The following HIVEP3 variants were observed in gnomAD, a reference collection of about 807,000 sequenced individuals.
HIVEP3 encodes the protein HIVEP zinc finger 3.
In HIVEP3, 49 loss-of-function variants were observed where a neutral mutation model predicts 152.8. That is an observed-to-expected ratio of 0.32 (90% CI 0.26 to 0.41). HIVEP3 has a LOEUF of 0.41. HIVEP3 is among the 10% of genes least tolerant of loss of function. The pLI, the probability that HIVEP3 is intolerant of heterozygous loss-of-function variation, is 1.00. For missense variants in HIVEP3, 2,790 were observed against 3,103.3 expected (o/e 0.90, Z 2.40); for synonymous variants, 1,269 against 1,289.0 (o/e 0.98, Z 0.33).
At chr1:41,828,471 C>T (rs974928146) in intron 1 of HIVEP3, among the ~76,000 whole-genome samples, 1 of 152,168 alleles carries the variant, frequency 6.6e-6, no homozygotes, top group African/African-American at 2.4e-5. Flanking sequence ...AAAATATGAC[C>T]CCCTCCTTTA....
At chr1:41,868,061 G>T (rs542543094) in intron 1 of HIVEP3, among the ~76,000 whole-genome samples, 1 of 151,964 alleles carries the variant, frequency 6.6e-6, no homozygotes, top group Non-Finnish European at 1.5e-5. Flanking sequence ...CAACTGGCCC[G>T]CATGGCCACC....
intron 1 of HIVEP3, among the ~76,000 whole-genome samples, chr1:42,016,773 A>G (rs115933143): frequency 0.021 from 3,142 of 152,282 alleles, 66 homozygotes; most frequent in Non-Finnish European, 0.025. Context: ...CAGACATAGT[A>G]TACTTTATTA....
At chr1:41,547,531 G>A (rs1201961051) in intron 5 of HIVEP3, among the ~76,000 whole-genome samples, 2 of 152,138 alleles carry the variant, frequency 1.3e-5, no homozygotes, top group Non-Finnish European at 2.9e-5. Flanking sequence ...TCCACCGAGG[G>A]AATGGCTTGG....
intron 3 of HIVEP3, among the ~76,000 whole-genome samples, chr1:41,625,178 A>G (rs1482473250): frequency 1.3e-5 from 2 of 149,394 alleles, no homozygotes; most frequent in Non-Finnish European, 3.0e-5. Context: ...AAAAAAAAAA[A>G]AAAAAAAAAA....
intron 1 of HIVEP3, among the ~76,000 whole-genome samples, chr1:41,712,520 G>A (rs1236460490): frequency 6.6e-6 from 1 of 152,228 alleles, no homozygotes; most frequent in Admixed American, 6.5e-5. Context: ...GGGCACCTGT[G>A]GCTGGCCGAT....
chr1:41,785,208 G>T (rs972648425), intron 1 of HIVEP3, among the ~76,000 whole-genome samples: 2 of 152,022 alleles, frequency 1.3e-5, no homozygotes, highest in Non-Finnish European at 2.9e-5. Context: ...TTCTCTCTGG[G>T]ATCTGTTCTC....
At chr1:41,871,050 G>T (rs1415036540) in intron 1 of HIVEP3, among the ~76,000 whole-genome samples, 1 of 152,212 alleles carries the variant, frequency 6.6e-6, no homozygotes, top group Non-Finnish European at 1.5e-5. Flanking sequence ...TTTATTTTCT[G>T]GAAGAATGGG....
chr1:41,767,916 G>A (rs910042782), intron 1 of HIVEP3, among the ~76,000 whole-genome samples: 6 of 152,164 alleles, frequency 3.9e-5, no homozygotes, highest in Non-Finnish European at 7.3e-5. Context: ...TTTTTACCTC[G>A]TTCTTCCTAG....
intron 3 of HIVEP3, among the ~76,000 whole-genome samples, chr1:41,615,105 G>A (rs956557264): frequency 3.9e-5 from 6 of 152,150 alleles, no homozygotes; most frequent in Non-Finnish European, 5.9e-5. Flanking sequence ...TAATGCCATC[G>A]TATTGTATTG....
chr1:41,526,574 CA>C (rs1642931224), intron 5 of HIVEP3, among the ~76,000 whole-genome samples: 1 of 94,146 alleles, frequency 1.1e-5, no homozygotes, highest in Non-Finnish European at 2.2e-5. Flanking sequence ...CACCCTCACA[CA>C]TACACCCCCA....
chr1:41,854,010 C>A (rs575926338), intron 1 of HIVEP3, among the ~76,000 whole-genome samples: 1 of 152,142 alleles, frequency 6.6e-6, no homozygotes, highest in South Asian at 2.1e-4. Flanking sequence ...AGAAGCAGAG[C>A]GAAGACGTGG....
intron 3 of HIVEP3, among the ~76,000 whole-genome samples, chr1:41,614,483 C>G (rs896662165): frequency 6.6e-6 from 1 of 152,212 alleles, no homozygotes; most frequent in Non-Finnish European, 1.5e-5. Flanking sequence ...GCTTCAGTTC[C>G]TCGTAGGAAG....
rs1381997998 is a variant in HIVEP3, at chr1:41,509,772, C to T, written c.*679G>A. ...GCCAGCCCTCCTCCTTCTACCTGCA[C>T]CTATTATTTTGTGTTGAAATCCTAG... On this transcript the variant is annotated 3_prime_UTR_variant, in exon 9 of 9. Coordinates refer to ENST00000372583, the MANE Select transcript of HIVEP3 (RefSeq NM_024503.5). The T allele has an allele frequency of 3.5e-5, 5 of 144,216 alleles. No homozygotes were observed. Among genetic ancestry groups the T allele is most frequent in the Non-Finnish European group, 7.5e-5 (5 of 66,950 alleles). 8.9% of individuals were successfully genotyped at this position (144,216 alleles called of 1,614,324 possible).
chr1:41,757,241 G>A (rs945821036), intron 1 of HIVEP3, among the ~76,000 whole-genome samples: 4 of 151,220 alleles, frequency 2.6e-5, no homozygotes, highest in Admixed American at 6.6e-5. Flanking sequence ...TCAGCCTCCC[G>A]AGTAGCTGGG....
At chr1:41,809,560 A>T (rs1263903334) in intron 1 of HIVEP3, among the ~76,000 whole-genome samples, 1 of 152,236 alleles carries the variant, frequency 6.6e-6, no homozygotes, top group African/African-American at 2.4e-5. Context: ...TCTGACATGT[A>T]ATTCAACTGA....
chr1:41,660,687 C>G (rs1331890425), intron 2 of HIVEP3, among the ~76,000 whole-genome samples: 1 of 152,214 alleles, frequency 6.6e-6, no homozygotes, highest in African/African-American at 2.4e-5. Flanking sequence ...GGAGAGCAAG[C>G]CTACTAACTT....
intron 2 of HIVEP3, among the ~76,000 whole-genome samples, chr1:41,661,374 C>A (rs540627975): frequency 1.3e-5 from 2 of 152,344 alleles, no homozygotes; most frequent in South Asian, 4.1e-4. Flanking sequence ...GTCTGAAGCC[C>A]AAGCACCCTG....
At chr1:41,624,499 G>A (rs1365858252) in intron 3 of HIVEP3, among the ~76,000 whole-genome samples, 1 of 151,860 alleles carries the variant, frequency 6.6e-6, no homozygotes, top group Non-Finnish European at 1.5e-5. Context: ...CTTCACCGTT[G>A]AAATGTATCT....
chr1:41,532,605 T>C (rs1643294145), intron 5 of HIVEP3, among the ~76,000 whole-genome samples: 1 of 152,114 alleles, frequency 6.6e-6, no homozygotes, highest in South Asian at 2.1e-4. Flanking sequence ...CGATTTGAGA[T>C]GCCTTCTGGG....
Sources: gnomAD v4.1 joint callset for allele counts (sites outside exome capture counted in the v4.1 genomes callset) on GRCh38, gnomAD v4.1.1 for gene constraint, MANE v1.5 for transcripts, NCBI Gene and HGNC (gene_info 2026-07-23, HGNC 2026-07-21) for gene names.